Variants in SHISA9 observed in about 807,000 individuals in gnomAD.
SHISA9 encodes shisa family member 9.
In SHISA9, 13 loss-of-function variants were observed where a neutral mutation model predicts 38.0. That is an observed-to-expected ratio of 0.34 (90% confidence interval 0.22 to 0.54). SHISA9 has a LOEUF of 0.54. SHISA9 is among the 20% of genes least tolerant of loss of function. The pLI is 0.91. For missense variants in SHISA9, 538 were observed against 575.8 expected, an observed-to-expected ratio of 0.93 and a Z score of 0.67; for synonymous variants, 275 against 242.0, an observed-to-expected ratio of 1.14 and a Z score of -1.27.
chr16:13,383,781 C>T, the SHISA9 span, among the ~76,000 whole-genome samples: 2 of 152,168 alleles, frequency 1.3e-5, no homozygotes, highest in East Asian at 1.9e-4. Context: ...CTCCGAGTAG[C>T]TGGGACCATA....
At chr16:13,015,707 C>T (rs992508868) in intron 2 of SHISA9, among the ~76,000 whole-genome samples, 1 of 151,978 alleles carries the variant, frequency 6.6e-6, no homozygotes, top group Non-Finnish European at 1.5e-5. Flanking sequence ...GTAGATACAC[C>T]GGTTCCCTAC....
At chr16:13,475,483 T>C in the SHISA9 span, among the ~76,000 whole-genome samples, 2 of 152,068 alleles carry the variant, frequency 1.3e-5, no homozygotes, top group Non-Finnish European at 2.9e-5. Flanking sequence ...GTGTCAGGCA[T>C]AGCAGAAATA....
intron 2 of SHISA9, among the ~76,000 whole-genome samples, chr16:13,074,999 C>T (rs911614813): frequency 1.3e-5 from 2 of 152,116 alleles, no homozygotes; most frequent in African/African-American, 2.4e-5. Context: ...TTCTCTGCTT[C>T]TTTGCAGTTG....
the SHISA9 span, among the ~76,000 whole-genome samples, chr16:13,382,819 C>G: frequency 6.6e-6 from 1 of 152,174 alleles, no homozygotes; most frequent in Non-Finnish European, 1.5e-5. Flanking sequence ...GATCATGCCA[C>G]TGCACTCCAG....
chr16:12,924,782 A>T (rs12919204), intron 2 of SHISA9, among the ~76,000 whole-genome samples: 39,293 of 152,026 alleles, frequency 0.26, 5,749 homozygotes, highest in Middle Eastern at 0.35. Context: ...AGGGAGTGCA[A>T]TGAAGAAGTG....
chr16:13,097,829 G>A (rs1490056644), intron 2 of SHISA9, among the ~76,000 whole-genome samples: 1 of 152,150 alleles, frequency 6.6e-6, no homozygotes, highest in African/African-American at 2.4e-5. Context: ...ACAGTAAAAT[G>A]TCATGATAGA....
the SHISA9 span, among the ~76,000 whole-genome samples, chr16:13,497,307 A>G: frequency 6.6e-6 from 1 of 152,322 alleles, no homozygotes; most frequent in African/African-American, 2.4e-5. Context: ...TACAATGTGG[A>G]ATGATTAAAT....
the SHISA9 span, among the ~76,000 whole-genome samples, chr16:13,249,035 G>A: frequency 6.6e-6 from 1 of 152,166 alleles, no homozygotes; most frequent in Non-Finnish European, 1.5e-5. Context: ...GCATGTTGAG[G>A]GAAAATTTCT....
the SHISA9 span, among the ~76,000 whole-genome samples, chr16:13,306,140 TTGAA>T: frequency 6.6e-6 from 1 of 152,196 alleles, no homozygotes; most frequent in Admixed American, 6.5e-5. Context: ...ACTATGTTTT[TTGAA>T]TGAATGAATA....
chr16:13,000,128 G>A (rs1226084389), intron 2 of SHISA9, among the ~76,000 whole-genome samples: 3 of 151,760 alleles, frequency 2.0e-5, no homozygotes, highest in East Asian at 1.9e-4. Context: ...GGGACACTTA[G>A]CATTCAAGTC....
chr16:12,910,429 C>G, intron 1 of SHISA9: 1 of 982,406 alleles, frequency 1.0e-6, no homozygotes, highest in Non-Finnish European at 1.2e-6. Context: ...CCTTGAAGAG[C>G]AAACAGCCAA....
rs539185289 is a variant in SHISA9, at chr16:12,931,310, G to T, written c.691+14495G>T. On this transcript the variant is annotated intron_variant, in intron 2 of 4. Coordinates refer to ENST00000558583, the MANE Select transcript of SHISA9 (RefSeq NM_001145204.3). ...TCAGCTTTCATTTTAGATTCAGGGGGACCATGCACAGGTTTGTTACATGGG... is the reference window on the plus strand; with the variant it reads ...TCAGCTTTCATTTTAGATTCAGGGGTACCATGCACAGGTTTGTTACATGGG... Among the ~76,000 whole-genome samples the T allele has an allele frequency of 5.3e-5, 8 of 152,252 alleles. No individual in the cohort carries two copies. In the East Asian group the frequency reaches 1.5e-3, roughly 29 times the overall value.
chr16:12,935,418 G>A (rs1382693440), intron 2 of SHISA9, among the ~76,000 whole-genome samples: 2 of 152,086 alleles, frequency 1.3e-5, no homozygotes, highest in Non-Finnish European at 2.9e-5. Context: ...AGCTCCTGTG[G>A]TGCTCCTTAT....
chr16:13,319,363 G>A, the SHISA9 span, among the ~76,000 whole-genome samples: 2 of 152,146 alleles, frequency 1.3e-5, no homozygotes, highest in Non-Finnish European at 1.5e-5. Context: ...AAATCATTTC[G>A]GCCTACCACG....
At chr16:13,180,305 C>A (rs2050766143) in intron 2 of SHISA9, among the ~76,000 whole-genome samples, 1 of 152,248 alleles carries the variant, frequency 6.6e-6, no homozygotes, top group Admixed American at 6.5e-5. Flanking sequence ...CTACATAACT[C>A]TGTCCCCACA....
At chr16:13,205,671 G>A (rs1567247993) in intron 3 of SHISA9, among the ~76,000 whole-genome samples, 2 of 152,164 alleles carry the variant, frequency 1.3e-5, no homozygotes, top group Non-Finnish European at 2.9e-5. Context: ...CTTCTCCAGA[G>A]CTCCCTGGTC....
chr16:13,328,299 G>A, the SHISA9 span, among the ~76,000 whole-genome samples: 2 of 152,016 alleles, frequency 1.3e-5, no homozygotes, highest in African/African-American at 2.4e-5. Flanking sequence ...GTCTATTTTC[G>A]CCCTGGACAA....
At chr16:13,442,497 A>G in the SHISA9 span, among the ~76,000 whole-genome samples, 1 of 152,154 alleles carries the variant, frequency 6.6e-6, no homozygotes, top group African/African-American at 2.4e-5. Context: ...TATTAGAGAC[A>G]GGGTTTCACC....
intron 4 of SHISA9, among the ~76,000 whole-genome samples, chr16:13,231,285 T>C (rs912801890): frequency 2.0e-5 from 3 of 152,214 alleles, no homozygotes; most frequent in South Asian, 2.1e-4. Context: ...GTTGCTGGGT[T>C]CAGGCATGGC....
Sources: gnomAD v4.1 joint callset for allele counts (sites outside exome capture counted in the v4.1 genomes callset) on GRCh38, gnomAD v4.1.1 for gene constraint, MANE v1.5 for transcripts, NCBI Gene and HGNC (gene_info 2026-07-23, HGNC 2026-07-21) for gene names.